MED23: variants seen among roughly 807,000 people sequenced by gnomAD.
The protein encoded by MED23 is mediator complex subunit 23.
MED23 carries 105 observed loss-of-function variants against 163.9 expected under a neutral mutation model. That is an observed-to-expected ratio of 0.64 (90% CI 0.55 to 0.75). The LOEUF (loss-of-function observed/expected upper bound fraction) is 0.75, where lower values mean the gene tolerates loss of function less well. Among genes scored for constraint, MED23 ranks in the 30% least tolerant of loss-of-function variants. MED23 has a pLI of 0.00. For missense variants in MED23, 1,054 were observed against 1,649.0 expected (o/e 0.64, Z 6.25); for synonymous variants, 561 against 565.6 (o/e 0.99, Z 0.12).
At chr6:131,626,630 G>C (rs567611961) in intron 3 of MED23, among the ~76,000 whole-genome samples, 1 of 152,286 alleles carries the variant, frequency 6.6e-6, no homozygotes, top group South Asian at 2.1e-4. Context: ...GGTAAGAGAA[G>C]AGAAAGAGAC....
chr6:131,612,216 G>A (rs951930031), intron 10 of MED23, among the ~76,000 whole-genome samples: 1 of 151,368 alleles, frequency 6.6e-6, no homozygotes, highest in Non-Finnish European at 1.5e-5. Context: ...TAAAACCAAG[G>A]ATATTTCTCA....
chr6:131,593,237 G>T, intron 23 of MED23, 66 bp from the exon 24 acceptor site: 1 of 1,590,310 alleles, frequency 6.3e-7, no homozygotes, highest in Non-Finnish European at 8.6e-7. Flanking sequence ...CTGATTATGA[G>T]CTGCCAAGAA....
At chr6:131,605,646 A>G (rs1200964174) in intron 13 of MED23, among the ~76,000 whole-genome samples, 161 bp from the exon 14 acceptor site, 1 of 152,218 alleles carries the variant, frequency 6.6e-6, no homozygotes, top group Non-Finnish European at 1.5e-5. Flanking sequence ...GGGAATACAC[A>G]TAGAAGTTTG....
At chr6:131,583,184 G>A (rs1313714287), downstream of MED23, 2 of 1,603,166 alleles carry the variant, frequency 1.2e-6, no homozygotes, top group Non-Finnish European at 1.7e-6. Flanking sequence ...TTTTGTGTGT[G>A]CACACATGTG....
chr6:131,628,197 CGTT>C lies in MED23; in HGVS notation c.-151_-149del, dbSNP rs1777664649. On this transcript the variant is annotated 5_prime_UTR_variant, in exon 1 of 29. Transcript: ENST00000368068. ...TCCTCCCCCAGCGCTTTACCTGGAG[CGTT>C]CCCTCCCGAGCCCAGCCAACAGCAG... 1 of 874,098 alleles carries C rather than the reference CGTT, an allele frequency of 1.1e-6. No individual in the cohort carries two copies. 54.1% of individuals were successfully genotyped at this position (874,098 alleles called of 1,614,324 possible). A position where few individuals can be genotyped will look rare whatever the true frequency, so the allele number is the denominator to read the frequency against.
At chr6:131,621,858 A>G (rs1320181023) in intron 6 of MED23, 23 bp downstream of exon 6, 5 of 1,549,424 alleles carry the variant, frequency 3.2e-6, no homozygotes, top group East Asian at 2.3e-5. Flanking sequence ...TATGATCACG[A>G]ATTTCAGACA....
At chr6:131,582,005 T>C (rs1005055335), downstream of MED23, among the ~76,000 whole-genome samples, 2 of 152,216 alleles carry the variant, frequency 1.3e-5, no homozygotes, top group African/African-American at 4.8e-5. Context: ...CCATAGTTTG[T>C]TGATATGCCA....
intron 5 of MED23, among the ~76,000 whole-genome samples, chr6:131,623,016 A>G (rs1315364077): frequency 6.6e-6 from 1 of 152,230 alleles, no homozygotes; most frequent in Non-Finnish European, 1.5e-5. Flanking sequence ...AGTGATGCCT[A>G]CATCCCTTCT....
chr6:131,583,563 T>TC, downstream of MED23: 1 of 1,313,866 alleles, frequency 7.6e-7, no homozygotes. Flanking sequence ...CTCCTTGACC[T>TC]GAAACCAAGT....
In MED23 at chr6:131,594,442, T is replaced by C. The variant is rs150680055; in HGVS notation, c.2996-107A>G. 593 of 867,630 alleles carry C rather than the reference T, an allele frequency of 6.8e-4. 7 individuals are homozygous for C. In the East Asian group the frequency reaches 0.013, roughly 18 times the overall value. The allele number at this position is 867,630 out of a possible 1,614,324, so 53.7% of individuals were successfully genotyped here. ...ACTGAAAAACAGCTCAGAAGATTTA[T>C]GAAACAACTTCACATGCTGGGCAAT... On this transcript the variant is annotated intron_variant, in intron 22 of 28. Coordinates refer to ENST00000368068, the MANE Select transcript of MED23 (RefSeq NM_004830.4).
chr6:131,627,638 C>G lies in MED23; in HGVS notation c.71+3G>C, dbSNP rs199831160. ...CACAAAACTCTGCCACGCATACACT[C>G]ACCCAGGAAAAGCCTCTTCTATAAC... is the stretch of plus-strand genomic sequence containing the variant. On this transcript the variant is annotated splice_donor_region_variant and intron_variant, in intron 2 of 28. Coordinates refer to ENST00000368068, the MANE Select transcript of MED23 (RefSeq NM_004830.4). 3.0e-5 allele frequency: 49 copies of G among 1,611,874 alleles called. No homozygotes were observed. The highest frequency in any genetic ancestry group is 3.7e-5 in the Non-Finnish European group (44 of 1,178,956).
intron 17 of MED23, 95 bp from the exon 18 acceptor site, chr6:131,600,257 A>C (rs1288034274): frequency 8.0e-7 from 1 of 1,252,632 alleles, no homozygotes; most frequent in Non-Finnish European, 1.1e-6. Flanking sequence ...GTACACTGAG[A>C]ATTTCACTGC....
chr6:131,616,048 A>T, intron 9 of MED23, 46 bp from the exon 10 acceptor site: 1 of 1,407,794 alleles, frequency 7.1e-7, no homozygotes, highest in Non-Finnish European at 1.0e-6. Context: ...CAATGTCAAC[A>T]TTAATCCAAA....
chr6:131,600,136 G>A lies in MED23; in HGVS notation c.2122C>T (p.Gln708Ter), dbSNP rs762260925. 8 of 1,611,590 alleles carry A rather than the reference G, an allele frequency of 5.0e-6. No homozygotes were observed. The highest frequency in any genetic ancestry group is 4.0e-5 in the African/African-American group (3 of 74,794). ...AGTATGTCTTTACACCAAGTTCCCT[G>A]AATTGAATCAGAGCCTGTAAAAAAA... The part of the protein sequence containing the change: ...TDFFTGSDSI[Q>*]GTWCKDILQT... Residue 708 changes from glutamine to a stop codon, truncating the protein, a stop_gained, in exon 18 of 29, where the codon CAG becomes TAG. Coordinates refer to ENST00000368068, the MANE Select transcript of MED23 (RefSeq NM_004830.4). LOFTEE classifies it high-confidence loss of function.
At chr6:131,627,035 T>C (rs1159146173) in intron 3 of MED23, 2 of 194,242 alleles carry the variant, frequency 1.0e-5, no homozygotes, top group Admixed American at 5.6e-5. Context: ...CCAATTCCTT[T>C]ATTTAGCAGA....
intron 4 of MED23, among the ~76,000 whole-genome samples, chr6:131,624,200 G>C (rs1342244464): frequency 5.9e-5 from 9 of 152,192 alleles, no homozygotes; most frequent in Admixed American, 5.9e-4. Context: ...TAGGGGGAAA[G>C]TCTACGTTCT....
downstream of MED23, chr6:131,582,708 G>A (rs768303250): frequency 4.3e-6 from 7 of 1,613,532 alleles, no homozygotes; most frequent in Non-Finnish European, 5.9e-6. Flanking sequence ...CGTGGACCCT[G>A]GGGAACAGTA....
At chr6:131,600,908 G>A (rs180711425) in intron 17 of MED23, among the ~76,000 whole-genome samples, 29 of 152,280 alleles carry the variant, frequency 1.9e-4, no homozygotes, top group Admixed American at 1.3e-3. Context: ...TGTCAATCTC[G>A]ACACCTATTT....
At chr6:131,618,327 C>T (rs546156167) in intron 9 of MED23, 80 bp downstream of exon 9, 3 of 924,778 alleles carry the variant, frequency 3.2e-6, no homozygotes, top group African/African-American at 1.6e-5. Context: ...TATGAAGCAA[C>T]AATTTAGCAT....
Sources: allele counts gnomAD v4.1 joint callset (sites outside exome capture counted in the v4.1 genomes callset), GRCh38; gene constraint gnomAD v4.1.1; transcripts MANE v1.5; gene names NCBI Gene and HGNC (gene_info 2026-07-23, HGNC 2026-07-21).